Variants in BLK observed in about 807,000 individuals in gnomAD.
BLK encodes tyrosine-protein kinase Blk.
BLK carries 64 observed loss-of-function variants against 61.8 expected under a neutral mutation model. The observed-to-expected ratio is 1.03, with a 90% CI of 0.85 to 1.27. The LOEUF is 1.27. Among genes scored for constraint, BLK ranks in the 50% most tolerant of loss-of-function variants. The pLI is 0.00. For missense variants in BLK, 853 were observed against 660.5 expected (o/e 1.29, Z -3.19); for synonymous variants, 351 against 272.0 (o/e 1.29, Z -2.86).
Position 11,550,363 on chromosome 8 carries a change from G to A in BLK, c.472+101G>A, listed in dbSNP as rs964483928. ...GTGAGAGGGGAAGGGGTGACTGCCA[G>A]GAGAACCAGCAGCTTCCGGGCTTGT... On this transcript the variant is annotated intron_variant, in intron 6 of 12. Transcript: ENST00000259089. The A allele has an allele frequency of 4.4e-6, 5 of 1,146,660 alleles. No individual in the cohort carries two copies. The African/African-American group carries it at 7.6e-5, about 17-fold the overall frequency. 71.0% of individuals were successfully genotyped at this position (1,146,660 alleles called of 1,614,324 possible).
intron 6 of BLK, 24 bp downstream of exon 6, chr8:11,550,286 C>A: frequency 1.2e-6 from 2 of 1,608,514 alleles, no homozygotes; most frequent in Non-Finnish European, 1.7e-6. Flanking sequence ...CTTTGCCTGC[C>A]TTCCTTGCCC....
chr8:11,547,622 G>A (rs781732155), intron 3 of BLK, among the ~76,000 whole-genome samples: 13 of 152,256 alleles, frequency 8.5e-5, no homozygotes, highest in Non-Finnish European at 1.6e-4. Flanking sequence ...GAGGCAGGCG[G>A]GGCAGAGGAG....
chr8:11,559,658 C>G, intron 10 of BLK: 1 of 433,624 alleles, frequency 2.3e-6, no homozygotes, highest in East Asian at 7.0e-5. Flanking sequence ...TCTGGCCAAC[C>G]CCACAGGAAC....
chr8:11,499,040 T>C (rs1798463949), intron 1 of BLK, among the ~76,000 whole-genome samples: 1 of 152,178 alleles, frequency 6.6e-6, no homozygotes, highest in Non-Finnish European at 1.5e-5. Context: ...GAAAGTAAAT[T>C]TAGTAAGATT....
At chr8:11,561,229 G>T in intron 10 of BLK, 73 bp from the exon 11 acceptor site, 1 of 1,564,310 alleles carries the variant, frequency 6.4e-7, no homozygotes, top group East Asian at 2.4e-5. Context: ...GGGCTGTGCG[G>T]GGGACACAGT....
intron 10 of BLK, chr8:11,558,740 T>A (rs757040075): frequency 4.4e-6 from 2 of 456,144 alleles, no homozygotes; most frequent in Non-Finnish European, 8.8e-6. Context: ...GAAGCACATC[T>A]GGTGGCCCTG....
At chr8:11,538,299 C>A (rs754091806) in intron 1 of BLK, among the ~76,000 whole-genome samples, 1 of 152,220 alleles carries the variant, frequency 6.6e-6, no homozygotes, top group Non-Finnish European at 1.5e-5. Context: ...GACTTCTGCA[C>A]TTCCTGGCTT....
intron 1 of BLK, among the ~76,000 whole-genome samples, chr8:11,519,933 A>G (rs1298088501): frequency 1.3e-5 from 2 of 152,158 alleles, no homozygotes; most frequent in Non-Finnish European, 2.9e-5. Flanking sequence ...GCCTCTGGGT[A>G]TTGGGGTTCT....
chr8:11,531,430 C>T (rs948703661), intron 1 of BLK, among the ~76,000 whole-genome samples: 1 of 152,068 alleles, frequency 6.6e-6, no homozygotes, highest in Admixed American at 6.5e-5. Flanking sequence ...TCTTTATATC[C>T]TTTGTGACAC....
At chr8:11,546,708 T>A (rs1800661217) in intron 3 of BLK, among the ~76,000 whole-genome samples, 1 of 152,192 alleles carries the variant, frequency 6.6e-6, no homozygotes. Flanking sequence ...CCCAAGTAGC[T>A]GGGATTACAG....
intron 10 of BLK, chr8:11,560,366 GATGGATGGGTGGGTGGATGGATGGATGC>G (rs1801450771): frequency 4.6e-6 from 1 of 216,522 alleles, no homozygotes; most frequent in African/African-American, 2.4e-5. Context: ...TGTGTTGATG[GATGGATGGGTGGGTGGATGGATGGATGC>G]ATGGATGGAT....
At chr8:11,537,994 C>T (rs888236578) in intron 1 of BLK, among the ~76,000 whole-genome samples, 2 of 152,108 alleles carry the variant, frequency 1.3e-5, no homozygotes, top group Non-Finnish European at 2.9e-5. Flanking sequence ...CCTCCTCTTG[C>T]TGACTCCCCC....
intron 1 of BLK, among the ~76,000 whole-genome samples, chr8:11,506,606 A>G (rs1393657953): frequency 6.6e-6 from 1 of 152,088 alleles, no homozygotes; most frequent in Non-Finnish European, 1.5e-5. Flanking sequence ...GAGGAAACTG[A>G]CCTCTCAATT....
chr8:11,562,900 G>A, intron 11 of BLK, 79 bp from the exon 12 acceptor site: 1 of 1,594,402 alleles, frequency 6.3e-7, no homozygotes, highest in Non-Finnish European at 8.6e-7. Context: ...AAGGACAGCA[G>A]GAGCAGGGGT....
rs74496879 is a variant in BLK, at chr8:11,549,477, G to C, written c.368+355G>C. 8.5e-3 allele frequency among the ~76,000 whole-genome samples: 1,296 copies of C among 152,324 alleles called. 14 individuals are homozygous for C. The highest frequency in any genetic ancestry group is 0.03 in the African/African-American group (1,234 of 41,558). ...CTCCATGGGCAGGACTCAGGGCTCA[G>C]CCCTCGGGGGCTCCCAGGAGGGTGG... On this transcript the variant is annotated intron_variant, in intron 5 of 12. Coordinates refer to ENST00000259089, the MANE Select transcript of BLK (RefSeq NM_001715.3).
intron 1 of BLK, among the ~76,000 whole-genome samples, chr8:11,505,473 T>G (rs987486854): frequency 1.6e-4 from 25 of 152,194 alleles, no homozygotes; most frequent in African/African-American, 6.0e-4. Flanking sequence ...AACTGTAGCC[T>G]CTGGCCGGTG....
At position 11,556,391 on chromosome 8, in the gene BLK, G is replaced by A; in HGVS notation, c.773-267G>A. The stretch of plus-strand genomic sequence containing the variant: ...GGGGAAGGACACAGGTTCCGTGCAG[G>A]ACAGAAGGACACAGGCCCAGGGTGT... On this transcript the variant is annotated intron_variant, in intron 8 of 12. Coordinates refer to ENST00000259089, the MANE Select transcript of BLK (RefSeq NM_001715.3). 3 of 511,660 alleles carry A rather than the reference G, an allele frequency of 5.9e-6. No homozygotes were observed. In the East Asian group the frequency reaches 1.1e-4, roughly 19 times the overall value. The allele number at this position is 511,660 out of a possible 1,614,324, so 31.7% of individuals were successfully genotyped here.
chr8:11,559,561 A>G (rs1386877325), intron 10 of BLK, among the ~76,000 whole-genome samples: 2 of 152,178 alleles, frequency 1.3e-5, no homozygotes, highest in African/African-American at 2.4e-5. Flanking sequence ...ACATGAGCAG[A>G]CACACACCCG....
chr8:11,521,179 T>C (rs996374760), intron 1 of BLK, among the ~76,000 whole-genome samples: 3 of 152,210 alleles, frequency 2.0e-5, no homozygotes, highest in African/African-American at 4.8e-5. Flanking sequence ...AAATGGCTTT[T>C]AAAAAATTTA....
Sources: allele counts gnomAD v4.1 joint callset (sites outside exome capture counted in the v4.1 genomes callset), GRCh38; gene constraint gnomAD v4.1.1; transcripts MANE v1.5; gene names NCBI Gene and HGNC (gene_info 2026-07-23, HGNC 2026-07-21).